ZNF404: variants seen among roughly 807,000 people sequenced by gnomAD.
ZNF404 encodes the protein zinc finger protein 404.
A neutral mutation model predicts 7.3 loss-of-function variants in ZNF404; 7 were observed. The observed-to-expected ratio is 0.95, with a 90% CI of 0.54 to 1.79. ZNF404 has a LOEUF of 1.79. Ranked by LOEUF, ZNF404 falls within the 40% of genes most tolerant of loss-of-function variation. ZNF404 has a pLI of 0.00. For missense variants in ZNF404, 560 were observed against 661.5 expected, an observed-to-expected ratio of 0.85 and a Z score of 1.68; for synonymous variants, 191 against 209.9, an observed-to-expected ratio of 0.91 and a Z score of 0.78.
At chr19:43,881,012 G>A (rs1273487308) in intron 1 of ZNF404, among the ~76,000 whole-genome samples, 1 of 152,126 alleles carries the variant, frequency 6.6e-6, no homozygotes, top group African/African-American at 2.4e-5. Context: ...AATAGATGCA[G>A]AAAAGGCATC....
In ZNF404 at chr19:43,873,799, CCTT is replaced by C. The variant is rs757631354; in HGVS notation, c.412_414del (p.Lys138del). On this transcript the variant is annotated inframe_deletion, in exon 3 of 3. Coordinates refer to ENST00000587539, the MANE Select transcript of ZNF404 (RefSeq NM_001033719.3). ...GTAAGGTGCAAATATTTTCTAAAGC[CCTT>C]CTTATATTCCTTACACTCATATGAT... is the stretch of plus-strand genomic sequence containing the variant. 1 of 1,588,862 alleles carries C rather than the reference CCTT, an allele frequency of 6.3e-7. No homozygotes were observed. The highest frequency in any genetic ancestry group is 1.1e-5 in the South Asian group (1 of 91,046).
intron 1 of ZNF404, among the ~76,000 whole-genome samples, chr19:43,880,467 A>C (rs1217021227): frequency 6.6e-6 from 1 of 152,220 alleles, no homozygotes; most frequent in Non-Finnish European, 1.5e-5. Flanking sequence ...AATATTAATA[A>C]ATACAAGTTG....
intron 2 of ZNF404, among the ~76,000 whole-genome samples, chr19:43,875,547 A>G (rs1283130930): frequency 4.6e-5 from 7 of 152,214 alleles, no homozygotes; most frequent in Non-Finnish European, 1.0e-4. Context: ...TGGGAAAAAT[A>G]AAGTAAAAAA....
rs186875486 is a variant in ZNF404, at chr19:43,883,506, C to T, written c.9+450G>A. Among the ~76,000 whole-genome samples, 86 of 152,268 alleles carry T rather than the reference C, an allele frequency of 5.6e-4. 1 individual carries two copies. The highest frequency in any genetic ancestry group is 6.8e-3 in the Middle Eastern group (2 of 294). ...TCCCATCTTCACTCAAACCTAAATGCGTTTCAAAGTTGAGATCTCATCTCA... is the reference window on the plus strand; with the variant it reads ...TCCCATCTTCACTCAAACCTAAATGTGTTTCAAAGTTGAGATCTCATCTCA... On this transcript the variant is annotated intron_variant, in intron 1 of 2. Coordinates refer to ENST00000587539, the MANE Select transcript of ZNF404 (RefSeq NM_001033719.3).
chr19:43,876,603 A>G (rs1041052717), intron 2 of ZNF404, among the ~76,000 whole-genome samples: 1 of 152,172 alleles, frequency 6.6e-6, no homozygotes, highest in African/African-American at 2.4e-5. Context: ...TCCTGAAAAT[A>G]AAATTTATCA....
chr19:43,879,987 T>A (rs566491479), intron 2 of ZNF404, 23 bp downstream of exon 2: 4 of 1,612,708 alleles, frequency 2.5e-6, no homozygotes, highest in South Asian at 2.2e-5. Context: ...ATATTGTACA[T>A]CATTTTGTGC....
At chr19:43,882,842 T>C (rs1042510711) in intron 1 of ZNF404, among the ~76,000 whole-genome samples, 1 of 151,242 alleles carries the variant, frequency 6.6e-6, no homozygotes, top group Non-Finnish European at 1.5e-5. Context: ...GGCTCATGAC[T>C]GTAATCCCAG....
At chr19:43,881,718 A>C (rs1971895984) in intron 1 of ZNF404, 1 of 152,232 alleles carries the variant, frequency 6.6e-6, no homozygotes, top group South Asian at 2.1e-4. Flanking sequence ...GCACTTTCGG[A>C]GGGTGAGGCA....
rs1226395040 is a variant in ZNF404 at position 43,872,754 on chromosome 19, CTCT to C, written c.1457_1459del (p.Lys486del). Reference sequence around the variant, plus strand: ...ATAGGGTTTTTCACCAGTATGAATTCTCTTATGTTGAGAAAGACCTGAGATAGA... The same window carrying C: ...ATAGGGTTTTTCACCAGTATGAATTCTATGTTGAGAAAGACCTGAGATAGA... On this transcript the variant is annotated inframe_deletion, in exon 3 of 3. Transcript: ENST00000587539. This position sits in a 1 kb window ranked among gnomAD's most constrained non-coding sequence, Gnocchi z 4.4. 1.9e-6 allele frequency: 3 copies of C among 1,612,718 alleles called. No homozygotes were observed. The highest frequency in any genetic ancestry group is 2.5e-6 in the Non-Finnish European group (3 of 1,179,294).
chr19:43,875,988 A>G (rs906706893), intron 2 of ZNF404, among the ~76,000 whole-genome samples: 6 of 152,214 alleles, frequency 3.9e-5, no homozygotes, highest in African/African-American at 1.2e-4. Flanking sequence ...CTAATTAAAA[A>G]TAAAAGAATT....
chr19:43,872,459 G>A lies in ZNF404; in HGVS notation c.*96C>T. ...TACGATGTGCCAGATGCCTTTCCAA[G>A]TATTTATATTCTATATTAACTAGTT... is the stretch of plus-strand genomic sequence containing the variant. On this transcript the variant is annotated 3_prime_UTR_variant, in exon 3 of 3. Coordinates refer to ENST00000587539, the MANE Select transcript of ZNF404 (RefSeq NM_001033719.3). The surrounding 1 kb of genome is among the most constrained non-coding windows in gnomAD (Gnocchi z 4.4). 1 of 968,158 alleles carries A rather than the reference G, an allele frequency of 1.0e-6. No homozygotes were observed. The highest frequency in any genetic ancestry group is 2.3e-5 in the South Asian group (1 of 43,028). 60.0% of individuals were successfully genotyped at this position (968,158 alleles called of 1,614,324 possible).
At chr19:43,875,024 C>T (rs1030950416) in intron 2 of ZNF404, among the ~76,000 whole-genome samples, 7 of 152,126 alleles carry the variant, frequency 4.6e-5, no homozygotes, top group African/African-American at 1.7e-4. Context: ...TCAGGTATCT[C>T]TCCCTGACTC....
intron 2 of ZNF404, 96 bp downstream of exon 2, chr19:43,879,914 G>A (rs1971881828): frequency 2.0e-6 from 3 of 1,471,842 alleles, no homozygotes; most frequent in Admixed American, 1.7e-5. Context: ...GAGCAGAAAT[G>A]TAGCTGGTTT....
chr19:43,873,986 A>G lies in ZNF404; in HGVS notation c.228T>C (p.Asn76=). The part of the protein sequence containing the change: ...NAYHQETWKR[N]KTFNLMRFIF... ...TAAACCTCATAAGGTTGAAGGTTTT[A>G]TTTCTTTTCCATGTCTCCTGATGGT... Residue 76 remains asparagine (N), a synonymous_variant, in exon 3 of 3, where the codon AAT becomes AAC. Coordinates refer to ENST00000587539, the MANE Select transcript of ZNF404 (RefSeq NM_001033719.3). The G allele has an allele frequency of 6.2e-7, 1 of 1,612,366 alleles. No individual in the cohort carries two copies. The highest frequency in any genetic ancestry group is 1.1e-5 in the South Asian group (1 of 90,866).
chr19:43,873,148 C>T lies in ZNF404; in HGVS notation c.1066G>A (p.Asp356Asn), dbSNP rs1568435815. Residue 356 changes from aspartate to asparagine, a missense_variant, in exon 3 of 3, where the codon GAT (aspartate) becomes AAT (asparagine). Physicochemically the swap from Asp to Asn is conservative, Grantham distance 23. Transcript: ENST00000587539. ...AAGGCCTTTCCACAATCCTTACAAT[C>T]ATAGAGTTTCTCACTACTATGAATT... Reference protein sequence around the residue: ...KRIHSSEKLYDCKDCGKAFCR... With the variant: ...KRIHSSEKLYNCKDCGKAFCR... 1 of 1,613,492 alleles carries T rather than the reference C, an allele frequency of 6.2e-7. No homozygotes were observed. Among genetic ancestry groups the T allele is most frequent in the Non-Finnish European group, 8.5e-7 (1 of 1,179,668 alleles).
At position 43,872,437 on chromosome 19, in the gene ZNF404, G is replaced by A. The variant is rs746825436; in HGVS notation, c.*118C>T. On this transcript the variant is annotated 3_prime_UTR_variant, in exon 3 of 3. Coordinates refer to ENST00000587539, the MANE Select transcript of ZNF404 (RefSeq NM_001033719.3). This position sits in a 1 kb window ranked among gnomAD's most constrained non-coding sequence, Gnocchi z 4.4. ...AATAATGTATTTAGTAAGCAAATAC[G>A]ATGTGCCAGATGCCTTTCCAAGTAT... 3.2e-5 allele frequency: 22 copies of A among 682,590 alleles called. No individual in the cohort carries two copies. The highest frequency in any genetic ancestry group is 3.8e-5 in the Non-Finnish European group (17 of 443,788). 42.3% of individuals were successfully genotyped at this position (682,590 alleles called of 1,614,324 possible).
chr19:43,878,898 G>C (rs1971873136), intron 2 of ZNF404, among the ~76,000 whole-genome samples: 2 of 152,216 alleles, frequency 1.3e-5, no homozygotes, highest in South Asian at 4.1e-4. Flanking sequence ...CAGACTAACA[G>C]AGGAAAACAT....
rs1971825921 is a variant in ZNF404 at position 43,873,294 on chromosome 19, G to C, written c.920C>G (p.Ala307Gly). 12 of 1,613,512 alleles carry C rather than the reference G, an allele frequency of 7.4e-6. No homozygotes were observed. The highest frequency in any genetic ancestry group is 1.0e-5 in the Non-Finnish European group (12 of 1,179,656). The change falls in exon 3 of 3, where the codon GCC becomes GGC. Residue 307 changes from alanine to glycine, a missense_variant. Physicochemically the swap from Ala to Gly is moderately conservative, Grantham distance 60. Transcript: ENST00000587539. ...KPYKCEQCEK[A>G]FVRSYLLVEH... is the part of the protein sequence containing the mutation. ...AACAAGTAGATAGCTGCGAACAAAG[G>C]CCTTTTCACATTGTTCACATTTATA...
chr19:43,872,844 T>A lies in ZNF404; in HGVS notation c.1370A>T (p.His457Leu). The A allele has an allele frequency of 6.2e-7, 1 of 1,609,466 alleles. No homozygotes were observed. Among genetic ancestry groups the A allele is most frequent in the Non-Finnish European group, 8.5e-7 (1 of 1,177,334 alleles). ...TFRLNSQLIY[H>L]QTIHTGLKPY... ...TTTCAAACCAGTATGAATTGTCTGA[T>A]GATAAATTAGTTGAGAATTAAGTCT... The change falls in exon 3 of 3, where the codon CAT (histidine) becomes CTT (leucine). Residue 457 changes from histidine (H) to leucine (L), a missense_variant. Coordinates refer to ENST00000587539, the MANE Select transcript of ZNF404 (RefSeq NM_001033719.3). This position sits in a 1 kb window ranked among gnomAD's most constrained non-coding sequence, Gnocchi z 4.4.
Sources: gnomAD v4.1 joint callset for allele counts (sites outside exome capture counted in the v4.1 genomes callset) on GRCh38, gnomAD v4.1.1 for gene constraint, Gnocchi (gnomAD v3.1) non-coding constraint, MANE v1.5 for transcripts, NCBI Gene and HGNC (gene_info 2026-07-23, HGNC 2026-07-21) for gene names.